Variants in CDH17 observed in about 807,000 individuals in gnomAD.
CDH17 encodes cadherin-17.
CDH17 carries 67 observed loss-of-function variants against 86.3 expected under a neutral mutation model. The ratio of observed to expected loss-of-function variants is 0.78; its 90% CI spans 0.64 to 0.95. CDH17 has a LOEUF of 0.95. CDH17 is among the 40% of genes least tolerant of loss of function. The probability of loss-of-function intolerance (pLI) is 0.00; values close to 1 mark genes in which losing one functional copy is unlikely to be tolerated. For synonymous variants in CDH17, 367 were observed against 366.4 expected (o/e 1.00, Z -0.02); for missense variants, 993 against 1,017.6 (o/e 0.98, Z 0.33).
At chr8:94,166,190 T>C (rs1452950769) in intron 9 of CDH17, among the ~76,000 whole-genome samples, 1 of 152,210 alleles carries the variant, frequency 6.6e-6, no homozygotes, top group East Asian at 1.9e-4. Flanking sequence ...GTATCATGGA[T>C]TAAACAACAG....
intron 15 of CDH17, among the ~76,000 whole-genome samples, chr8:94,142,414 A>ACCC (rs1812657708): frequency 6.6e-6 from 1 of 152,248 alleles, no homozygotes; most frequent in Non-Finnish European, 1.5e-5. Context: ...CCCTTCAATG[A>ACCC]GTCATAATCT....
At chr8:94,148,440 G>T (rs1338223113) in intron 14 of CDH17, among the ~76,000 whole-genome samples, 2 of 150,014 alleles carry the variant, frequency 1.3e-5, no homozygotes, top group Admixed American at 1.3e-4. Context: ...TACTCGGAAG[G>T]CTGAGGTAGG....
upstream of CDH17, chr8:94,208,578 T>TC (rs1264518377): frequency 6.6e-6 from 1 of 152,184 alleles, no homozygotes; most frequent in Non-Finnish European, 1.5e-5. Flanking sequence ...CCGGGAACAC[T>TC]CCCTCTTCCC....
At chr8:94,151,213 A>C (rs992180288) in intron 13 of CDH17, among the ~76,000 whole-genome samples, 49 of 152,160 alleles carry the variant, frequency 3.2e-4, no homozygotes, top group African/African-American at 1.2e-3. Flanking sequence ...TATTATACAG[A>C]TATATACAAA....
chr8:94,206,304 G>A (rs1563592979), intron 1 of CDH17, among the ~76,000 whole-genome samples: 1 of 152,208 alleles, frequency 6.6e-6, no homozygotes, highest in Non-Finnish European at 1.5e-5. Flanking sequence ...CAAATAAGTA[G>A]ATAGGTATTC....
In CDH17 at chr8:94,160,015, C is replaced by T. The variant is rs753350744; in HGVS notation, c.1507G>A (p.Asp503Asn). The T allele has an allele frequency of 1.9e-6, 3 of 1,613,406 alleles. No homozygotes were observed. In the South Asian group the frequency reaches 3.3e-5, roughly 18 times the overall value. The change falls in exon 12 of 18, where the codon GAC becomes AAC. Residue 503 changes from aspartate (D) to asparagine (N), a missense_variant. Asp to Asn is a conservative substitution (Grantham distance 23). Coordinates refer to ENST00000027335, the MANE Select transcript of CDH17 (RefSeq NM_004063.4). ...CCGGTGTTGGTATGGGGATCTGTGT[C>T]AACCCCCAGGCGTCCCTCACTGTCT... The part of the protein sequence containing the change: ...KGDSEGRLGV[D>N]TDPHTNTGYV...
chr8:94,136,891 T>A (rs1812540765), intron 15 of CDH17, among the ~76,000 whole-genome samples: 1 of 152,196 alleles, frequency 6.6e-6, no homozygotes, highest in African/African-American at 2.4e-5. Flanking sequence ...CAGCTGCAGG[T>A]CTGTTGGAGT....
chr8:94,214,094 C>T (rs1427967947), intron 1 of CDH17, among the ~76,000 whole-genome samples: 1 of 152,200 alleles, frequency 6.6e-6, no homozygotes, highest in Non-Finnish European at 1.5e-5. Flanking sequence ...GTCCCATGTG[C>T]ACAACAAACT....
chr8:94,149,221 A>C (rs752916448), intron 13 of CDH17, among the ~76,000 whole-genome samples: 1 of 152,202 alleles, frequency 6.6e-6, no homozygotes, highest in Non-Finnish European at 1.5e-5. Context: ...AACTCAAATT[A>C]AAGTAACCTG....
intron 1 of CDH17, among the ~76,000 whole-genome samples, chr8:94,199,038 G>GAT (rs869128612): frequency 7.9e-4 from 58 of 73,344 alleles, no homozygotes; most frequent in African/African-American, 2.0e-3. Flanking sequence ...AGTTCTGATT[G>GAT]ATATATATAT....
At position 94,170,515 on chromosome 8, in the gene CDH17, G is replaced by T; in HGVS notation, c.948C>A (p.Tyr316Ter). Residue 316 changes from tyrosine (Y) to a stop codon, truncating the protein, a stop_gained, in exon 9 of 18, where the codon TAC becomes TAA. Coordinates refer to ENST00000027335, the MANE Select transcript of CDH17 (RefSeq NM_004063.4). LOFTEE classifies it high-confidence loss of function. The part of the protein sequence containing the change: ...YVFYAVAKDE[Y>*]GKPLSYPLEI... ...CCAGCGGATATGAAAGTGGTTTTCC[G>T]TACTCATCCTTTGCAACTGCATAAA... is the stretch of plus-strand genomic sequence containing the variant. 1.2e-6 allele frequency: 2 copies of T among 1,613,704 alleles called. No homozygotes were observed. Among genetic ancestry groups the T allele is most frequent in the African/African-American group, 2.7e-5 (2 of 74,984 alleles).
chr8:94,205,192 G>A (rs1370132120), intron 1 of CDH17, among the ~76,000 whole-genome samples: 2 of 152,162 alleles, frequency 1.3e-5, no homozygotes. Context: ...CCCAGATCTA[G>A]CAGAACAATA....
Position 94,165,873 on chromosome 8 carries a change from C to A in CDH17, c.1170G>T (p.Met390Ile). 6.2e-7 allele frequency: 1 copy of A among 1,613,742 alleles called. No individual in the cohort carries two copies. Among genetic ancestry groups the A allele is most frequent in the Admixed American group, 1.7e-5 (1 of 59,996 alleles). ...RIVEQTPKLP[M>I]DGLFLIQTYA... is the part of the protein sequence containing the mutation. ...AGGTTTGGATTAGGAAGAGTCCATC[C>A]ATGGGAAGTTTGGGAGTTTGCTCCA... is the stretch of plus-strand genomic sequence containing the variant. Residue 390 changes from methionine (M) to isoleucine (I), a missense_variant, in exon 10 of 18, where the codon ATG becomes ATT. Coordinates refer to ENST00000027335, the MANE Select transcript of CDH17 (RefSeq NM_004063.4).
Position 94,204,411 on chromosome 8 carries a change from C to T in CDH17, c.-21+4072G>A, listed in dbSNP as rs2129649607. Among the ~76,000 whole-genome samples the T allele has an allele frequency of 2.0e-5, 3 of 152,222 alleles. 1 individual carries two copies. Among genetic ancestry groups the T allele is most frequent in the South Asian group, 4.1e-4 (2 of 4,824 alleles). On this transcript the variant is annotated intron_variant, in intron 1 of 17. Coordinates refer to ENST00000027335, the MANE Select transcript of CDH17 (RefSeq NM_004063.4). ...AACATGCAGAGTTTGGTTTTCTGTT[C>T]CTGTGTTAGTTTGCTGAGAATGATG...
intron 5 of CDH17, among the ~76,000 whole-genome samples, chr8:94,174,707 A>G (rs1280618401): frequency 6.6e-6 from 1 of 152,214 alleles, no homozygotes; most frequent in Non-Finnish European, 1.5e-5. Context: ...GTCCAACTGC[A>G]TATCTGTGTG....
At chr8:94,177,496 T>C (rs546156930) in intron 4 of CDH17, 91 bp downstream of exon 4, 1 of 1,332,140 alleles carries the variant, frequency 7.5e-7, no homozygotes, top group Non-Finnish European at 1.1e-6. Flanking sequence ...AACTGGATTC[T>C]GTGCAAGGAA....
At chr8:94,135,258 G>A (rs182973276) in intron 15 of CDH17, among the ~76,000 whole-genome samples, 1 of 152,268 alleles carries the variant, frequency 6.6e-6, no homozygotes, top group East Asian at 1.9e-4. Flanking sequence ...TGACAGTGGG[G>A]TGTTAAAGTC....
chr8:94,130,465 CA>C (rs941231096), intron 17 of CDH17, among the ~76,000 whole-genome samples, 160 bp downstream of exon 17: 2 of 152,204 alleles, frequency 1.3e-5, no homozygotes, highest in African/African-American at 2.4e-5. Context: ...TAACTCCAAT[CA>C]AGAAAGTCTG....
chr8:94,127,305 G>A lies in CDH17; in HGVS notation c.*935C>T, dbSNP rs2130557399. The A allele has an allele frequency of 6.6e-6, 1 of 152,346 alleles. No individual in the cohort carries two copies. Among genetic ancestry groups the A allele is most frequent in the South Asian group, 2.1e-4 (1 of 4,832 alleles). 9.4% of individuals were successfully genotyped at this position (152,346 alleles called of 1,614,324 possible). A position where few individuals can be genotyped will look rare whatever the true frequency, so the allele number is the denominator to read the frequency against. ...TGAAGAAAACATGCGCAGCATGTAT[G>A]CATGGCAGGTAGTGAGGAAATCTGG... On this transcript the variant is annotated 3_prime_UTR_variant, in exon 18 of 18. Transcript: ENST00000027335.
Sources: allele counts gnomAD v4.1 joint callset (sites outside exome capture counted in the v4.1 genomes callset), GRCh38; gene constraint gnomAD v4.1.1; transcripts MANE v1.5; gene names NCBI Gene and HGNC (gene_info 2026-07-23, HGNC 2026-07-21).